DCAF6: variants seen among roughly 807,000 people sequenced by gnomAD.
DCAF6 encodes the protein DDB1 and CUL4 associated factor 6, also known as DDB1- and CUL4-associated factor 6.
Under a neutral mutation model 125.1 loss-of-function variants are expected in DCAF6, and 54 were observed. The ratio of observed to expected loss-of-function variants is 0.43; its 90% CI spans 0.35 to 0.54. The LOEUF is 0.54. Ranked by LOEUF, DCAF6 falls within the 20% of genes least tolerant of loss-of-function variation. The probability of loss-of-function intolerance (pLI) is 0.01; values close to 1 mark genes in which losing one functional copy is unlikely to be tolerated. For missense variants in DCAF6, 934 were observed against 1,161.7 expected, an observed-to-expected ratio of 0.80 and a Z score of 2.85; for synonymous variants, 371 against 390.4, an observed-to-expected ratio of 0.95 and a Z score of 0.58.
the DCAF6 span, among the ~76,000 whole-genome samples, chr1:167,874,105 GTGGATCACT>G: frequency 6.6e-6 from 1 of 152,194 alleles, no homozygotes; most frequent in East Asian, 1.9e-4. Context: ...GCTGGGGCAA[GTGGATCACT>G]TGAAGTTAGG....
chr1:167,868,857 C>T, the DCAF6 span, among the ~76,000 whole-genome samples: 1 of 152,208 alleles, frequency 6.6e-6, no homozygotes, highest in Non-Finnish European at 1.5e-5. Context: ...ACATGCTCAA[C>T]TGAATCATAC....
At chr1:167,909,252 G>A in the DCAF6 span, among the ~76,000 whole-genome samples, 2 of 152,092 alleles carry the variant, frequency 1.3e-5, no homozygotes, top group South Asian at 2.1e-4. Flanking sequence ...TCACCTGATG[G>A]AATATACCAC....
chr1:168,023,114 T>G, intron 12 of DCAF6, 67 bp downstream of exon 12: 1 of 1,451,080 alleles, frequency 6.9e-7, no homozygotes, highest in South Asian at 1.1e-5. Context: ...TATACTAAGC[T>G]CTCTCACACC....
chr1:168,058,058 T>C (rs946155356), intron 17 of DCAF6, among the ~76,000 whole-genome samples: 2 of 152,242 alleles, frequency 1.3e-5, no homozygotes, highest in African/African-American at 4.8e-5. Flanking sequence ...TTTTGAACTT[T>C]ATATAAAAAT....
rs866651160 is a variant in DCAF6 at position 168,072,318 on chromosome 1, A to G, written c.2792-3053A>G. On this transcript the variant is annotated intron_variant, in intron 21 of 21. Coordinates refer to ENST00000367840, the MANE Select transcript of DCAF6 (RefSeq NM_001198956.2). ...CTAAAAAAAAAAAAAAAAAAAAAAA[A>G]AAAAAAAGAAAAGAAAAGTCTTCCC... Among the ~76,000 whole-genome samples the G allele has an allele frequency of 8.6e-3, 1,284 of 149,056 alleles. 30 individuals are homozygous for G. The highest frequency in any genetic ancestry group is 0.03 in the African/African-American group (1,195 of 40,132).
the DCAF6 span, chr1:167,899,767 A>T: frequency 1.3e-6 from 1 of 798,704 alleles, no homozygotes; most frequent in South Asian, 1.5e-5. Flanking sequence ...TTTACATAGG[A>T]ATTATGGCAT....
chr1:167,972,979 C>A (rs1429994306), intron 3 of DCAF6, among the ~76,000 whole-genome samples: 1 of 152,142 alleles, frequency 6.6e-6, no homozygotes, highest in Non-Finnish European at 1.5e-5. Flanking sequence ...GGAGGTAAAT[C>A]ATAAATTTTT....
the DCAF6 span, chr1:167,883,681 C>T: frequency 3.2e-6 from 5 of 1,548,692 alleles, no homozygotes; most frequent in Non-Finnish European, 4.5e-6. Context: ...GGATCCCTCC[C>T]CCAACACCGC....
At chr1:168,016,658 T>C (rs1043905515) in intron 11 of DCAF6, among the ~76,000 whole-genome samples, 1 of 152,088 alleles carries the variant, frequency 6.6e-6, no homozygotes, top group Non-Finnish European at 1.5e-5. Flanking sequence ...CAATAAACAT[T>C]TGTTAAAAGA....
intron 1 of DCAF6, among the ~76,000 whole-genome samples, chr1:167,943,135 TC>T (rs1672509934): frequency 6.6e-6 from 1 of 152,180 alleles, no homozygotes; most frequent in Non-Finnish European, 1.5e-5. Flanking sequence ...GGTCTCGATC[TC>T]CTGACCTTGT....
At chr1:168,056,770 A>G (rs377174807) in intron 17 of DCAF6, among the ~76,000 whole-genome samples, 3 of 152,202 alleles carry the variant, frequency 2.0e-5, no homozygotes, top group South Asian at 4.1e-4. Flanking sequence ...TCATAAGCCT[A>G]TTTTGTGGAA....
chr1:167,953,510 A>G (rs926324397), intron 2 of DCAF6, among the ~76,000 whole-genome samples: 1 of 152,238 alleles, frequency 6.6e-6, no homozygotes, highest in African/African-American at 2.4e-5. Flanking sequence ...TTATTTTTTA[A>G]ATTTACTATC....
chr1:168,025,471 T>C (rs767409889), intron 12 of DCAF6, among the ~76,000 whole-genome samples: 4 of 152,210 alleles, frequency 2.6e-5, no homozygotes, highest in Non-Finnish European at 5.9e-5. Flanking sequence ...AGCTGCACCG[T>C]AGTAGACTAT....
intron 4 of DCAF6, among the ~76,000 whole-genome samples, chr1:167,975,792 A>G (rs1008862214): frequency 2.0e-5 from 3 of 152,090 alleles, no homozygotes; most frequent in Non-Finnish European, 4.4e-5. Context: ...AGTTCATACA[A>G]TCCTCCCACC....
At chr1:167,866,526 G>A in the DCAF6 span, among the ~76,000 whole-genome samples, 1 of 79,956 alleles carries the variant, frequency 1.3e-5, no homozygotes, top group African/African-American at 7.3e-5. Context: ...CACACTCTAT[G>A]TGCCAAAAAA....
intron 6 of DCAF6, among the ~76,000 whole-genome samples, chr1:167,992,693 T>TC (rs1003116797): frequency 6.6e-6 from 1 of 152,210 alleles, no homozygotes; most frequent in Non-Finnish European, 1.5e-5. Flanking sequence ...CACCTATCTG[T>TC]CATATTGCAT....
intron 2 of DCAF6, among the ~76,000 whole-genome samples, chr1:167,961,646 T>G (rs1279157241): frequency 6.6e-6 from 1 of 152,220 alleles, no homozygotes; most frequent in Non-Finnish European, 1.5e-5. Context: ...TGCTTTTCCT[T>G]CCTTTTCTTG....
chr1:167,996,054 T>C (rs1327428492), intron 7 of DCAF6, among the ~76,000 whole-genome samples: 1 of 152,218 alleles, frequency 6.6e-6, no homozygotes, highest in Non-Finnish European at 1.5e-5. Context: ...GAGTAAAGCC[T>C]GAGGAAGGTT....
At chr1:167,924,081 G>A in the DCAF6 span, among the ~76,000 whole-genome samples, 7 of 152,102 alleles carry the variant, frequency 4.6e-5, no homozygotes, top group African/African-American at 1.4e-4. Flanking sequence ...ATTTATATTC[G>A]AATAAATCCA....
Sources: gnomAD v4.1 joint callset for allele counts (sites outside exome capture counted in the v4.1 genomes callset) on GRCh38, gnomAD v4.1.1 for gene constraint, MANE v1.5 for transcripts, NCBI Gene and HGNC (gene_info 2026-07-23, HGNC 2026-07-21) for gene names.